Variants in PKD1L1 observed in about 807,000 individuals in gnomAD.
PKD1L1 encodes the protein polycystin 1 like 1, transient receptor potential channel interacting, also known as polycystin-1-like protein 1.
In PKD1L1, 236 loss-of-function variants were observed where a neutral mutation model predicts 323.4. The observed-to-expected ratio is 0.73, with a 90% CI of 0.66 to 0.81. The LOEUF (loss-of-function observed/expected upper bound fraction) is 0.81. Among genes scored for constraint, PKD1L1 ranks in the 40% least tolerant of loss-of-function variants. The pLI is 0.00. For synonymous variants in PKD1L1, 1,344 were observed against 1,335.0 expected, an observed-to-expected ratio of 1.01 and a Z score of -0.15; for missense variants, 3,320 against 3,508.0, an observed-to-expected ratio of 0.95 and a Z score of 1.35.
At chr7:47,816,704 G>A (rs1423918392) in intron 46 of PKD1L1, among the ~76,000 whole-genome samples, 2 of 152,232 alleles carry the variant, frequency 1.3e-5, no homozygotes, top group Non-Finnish European at 2.9e-5. Flanking sequence ...GTGAGAAGAA[G>A]TTAGAAAGTC....
intron 7 of PKD1L1, among the ~76,000 whole-genome samples, chr7:47,925,319 G>C (rs1197969160): frequency 6.6e-6 from 1 of 151,872 alleles, no homozygotes; most frequent in Non-Finnish European, 1.5e-5. Flanking sequence ...AGACCAGCCT[G>C]GTCAATATAG....
At chr7:47,835,307 T>C (rs1562952495) in intron 37 of PKD1L1, 64 bp from the exon 38 acceptor site, 1 of 1,014,364 alleles carries the variant, frequency 9.9e-7, no homozygotes. Flanking sequence ...AACGCAGTCA[T>C]TGTGTAATTA....
chr7:47,879,490 G>A (rs62447072), intron 21 of PKD1L1, among the ~76,000 whole-genome samples: 54,119 of 150,790 alleles, frequency 0.36, 10,990 homozygotes, highest in African/African-American at 0.56. Context: ...AAAATTAGCC[G>A]GGCGTGGTGG....
At chr7:47,880,284 A>ATATTTT (rs1225214936) in intron 21 of PKD1L1, among the ~76,000 whole-genome samples, 4 of 56,772 alleles carry the variant, frequency 7.0e-5, no homozygotes, top group Admixed American at 2.4e-4. Flanking sequence ...ATATATATAT[A>ATATTTT]TTTTTTTTTT....
chr7:47,875,965 T>G, intron 23 of PKD1L1, 132 bp downstream of exon 23: 1 of 925,828 alleles, frequency 1.1e-6, no homozygotes. Context: ...ATAATAAACC[T>G]AAACTGAAAA....
At chr7:47,950,672 T>C (rs1326143951), upstream of PKD1L1, among the ~76,000 whole-genome samples, 1 of 151,666 alleles carries the variant, frequency 6.6e-6, no homozygotes, top group East Asian at 1.9e-4. Context: ...TTCGTGCCAT[T>C]GCACTCCAGC....
chr7:47,933,640 T>G (rs1787814041), intron 4 of PKD1L1, among the ~76,000 whole-genome samples: 1 of 152,178 alleles, frequency 6.6e-6, no homozygotes, highest in Admixed American at 6.5e-5. Flanking sequence ...CCTTCGTGTA[T>G]GGTGTACCCA....
Position 47,835,036 on chromosome 7 carries a change from C to T in PKD1L1, c.6058G>A (p.Ala2020Thr), listed in dbSNP as rs142048596. The T allele has an allele frequency of 3.1e-4, 497 of 1,613,816 alleles. 2 individuals carry two copies. The African/African-American group carries it at 6.0e-3, about 19-fold the overall frequency. ...GGCTCCACTCGGGCAGACCCCGGGG[C>T]TTCCTGCAGAAGGAAAGAGGTGGTT... ...LSLLFRLSKE[A>T]PGSARVEPHS... is the part of the protein sequence containing the mutation. The change falls in exon 39 of 57, where the codon GCC becomes ACC. Residue 2020 changes from alanine to threonine, a missense_variant. By Grantham distance (58) the Ala-to-Thr change is moderately conservative. Transcript: ENST00000289672.
intron 7 of PKD1L1, among the ~76,000 whole-genome samples, chr7:47,925,267 T>C (rs965574871): frequency 6.6e-6 from 1 of 152,144 alleles, no homozygotes; most frequent in Admixed American, 6.5e-5. Flanking sequence ...CCCAACACTT[T>C]GGGAGGCTGA....
chr7:47,880,945 C>A, intron 20 of PKD1L1, 140 bp from the exon 21 acceptor site: 1 of 536,134 alleles, frequency 1.9e-6, no homozygotes, highest in Non-Finnish European at 3.2e-6. Flanking sequence ...GCCACTCCTG[C>A]TTGGAAAGGT....
chr7:47,857,229 G>A (rs116520756), intron 28 of PKD1L1, among the ~76,000 whole-genome samples: 1 of 152,316 alleles, frequency 6.6e-6, no homozygotes, highest in African/African-American at 2.4e-5. Flanking sequence ...TTTGATGTTA[G>A]ACCCATATCT....
At chr7:47,890,809 G>A (rs748036548) in intron 15 of PKD1L1, 46 bp from the exon 16 acceptor site, 15 of 1,550,500 alleles carry the variant, frequency 9.7e-6, no homozygotes, top group Non-Finnish European at 1.3e-5. Flanking sequence ...ATCAGGCAGA[G>A]TCAGGGACTA....
At chr7:47,943,157 AAAAAAAATAT>A (rs1237173841) in intron 2 of PKD1L1, among the ~76,000 whole-genome samples, 32 of 65,468 alleles carry the variant, frequency 4.9e-4, no homozygotes, top group East Asian at 1.8e-3. Context: ...AAAAAAAAAA[AAAAAAAATAT>A]ATATATATAT....
intron 18 of PKD1L1, 100 bp downstream of exon 18, chr7:47,885,586 G>T (rs1411265361): frequency 3.4e-6 from 5 of 1,456,042 alleles, no homozygotes; most frequent in Non-Finnish European, 4.6e-6. Flanking sequence ...AAAGGCCCAT[G>T]TTGATGTGAT....
intron 24 of PKD1L1, among the ~76,000 whole-genome samples, chr7:47,868,307 T>C (rs1385621536): frequency 6.6e-6 from 1 of 152,044 alleles, no homozygotes; most frequent in East Asian, 1.9e-4. Flanking sequence ...GGGCTGAGGT[T>C]GCAGTGAGCC....
intron 12 of PKD1L1, 55 bp from the exon 13 acceptor site, chr7:47,902,566 T>C (rs1200593005): frequency 6.3e-7 from 1 of 1,580,294 alleles, no homozygotes; most frequent in Non-Finnish European, 8.6e-7. Context: ...AACGTCAGGC[T>C]TTCATTCACT....
chr7:47,943,145 C>CAAAAAAAAAA (rs142019299), intron 2 of PKD1L1, among the ~76,000 whole-genome samples: 1 of 89,012 alleles, frequency 1.1e-5, no homozygotes. Flanking sequence ...GACTCCGTCT[C>CAAAAAAAAAA]AAAAAAAAAA....
chr7:47,826,581 C>A (rs1583599798), intron 45 of PKD1L1, among the ~76,000 whole-genome samples: 2 of 152,134 alleles, frequency 1.3e-5, no homozygotes. Context: ...AAAAAACTAT[C>A]AGAAATTCCC....
chr7:47,847,861 A>G (rs1785697404), intron 31 of PKD1L1, among the ~76,000 whole-genome samples: 1 of 152,218 alleles, frequency 6.6e-6, no homozygotes, highest in South Asian at 2.1e-4. Context: ...GAGTCTTACA[A>G]GAAATGGTGG....
Sources: gnomAD v4.1 joint callset for allele counts (sites outside exome capture counted in the v4.1 genomes callset) on GRCh38, gnomAD v4.1.1 for gene constraint, MANE v1.5 for transcripts, NCBI Gene and HGNC (gene_info 2026-07-23, HGNC 2026-07-21) for gene names.